Variants in SPTA1 observed in about 807,000 individuals in gnomAD.
SPTA1 encodes the protein spectrin alpha chain, erythrocytic 1.
SPTA1 carries 177 observed loss-of-function variants against 324.7 expected under a neutral mutation model. The ratio of observed to expected loss-of-function variants is 0.55; its 90% confidence interval spans 0.48 to 0.62. SPTA1 has a LOEUF of 0.62. SPTA1 is among the 20% of genes least tolerant of loss of function. SPTA1 has a pLI of 0.00. For missense variants in SPTA1, 3,162 were observed against 2,883.6 expected (o/e 1.10, Z -2.21); for synonymous variants, 1,195 against 1,041.3 (o/e 1.15, Z -2.84).
Position 158,678,322 on chromosome 1 carries a change from G to A in SPTA1, c.812+79C>T. ...TGTTGACCATTAATTGCTAACAGAA[G>A]TAGAAAGAGCCTAATACAAAGACAC... On this transcript the variant is annotated intron_variant, in intron 6 of 51. Coordinates refer to ENST00000643759, the MANE Select transcript of SPTA1 (RefSeq NM_003126.4). The A allele has an allele frequency of 3.8e-6, 6 of 1,585,560 alleles. No individual in the cohort carries two copies. In the South Asian group the frequency reaches 6.6e-5, roughly 18 times the overall value.
intron 5 of SPTA1, among the ~76,000 whole-genome samples, chr1:158,679,673 A>C (rs1434330131): frequency 2.0e-5 from 3 of 152,068 alleles, no homozygotes; most frequent in African/African-American, 7.2e-5. Context: ...ACACATAAAA[A>C]TGCCAGGTAA....
chr1:158,674,280 T>C, intron 10 of SPTA1, 49 bp downstream of exon 10: 3 of 1,505,986 alleles, frequency 2.0e-6, no homozygotes, highest in Non-Finnish European at 2.8e-6. Context: ...GATTATGTAA[T>C]GACTACATAT....
chr1:158,673,012 T>C (rs2101919540), intron 10 of SPTA1, among the ~76,000 whole-genome samples: 1 of 151,870 alleles, frequency 6.6e-6, no homozygotes, highest in Middle Eastern at 3.4e-3. Context: ...GTCCCAGCTA[T>C]TCAGGAGGCT....
At position 158,622,992 on chromosome 1, in the gene SPTA1, A is replaced by T; in HGVS notation, c.6111T>A (p.Pro2037=). The T allele has an allele frequency of 1.2e-6, 2 of 1,614,070 alleles. No homozygotes were observed. The highest frequency in any genetic ancestry group is 4.5e-5 in the East Asian group (2 of 44,884). ...HRQKLLEKQL[P]LQKAEDLFVE... ...CATAATTTTTTTAAACCTTCTGTAG[A>T]GGCAGCTGTTTCTCCAGCAATTTCT... is the stretch of plus-strand genomic sequence containing the variant. The change falls in exon 43 of 52, where the codon CCT becomes CCA. Residue 2037 remains proline (P), a synonymous_variant. Coordinates refer to ENST00000643759, the MANE Select transcript of SPTA1 (RefSeq NM_003126.4).
rs1161416972 is a variant in SPTA1, at chr1:158,639,876, G to C, written c.4869C>G (p.Leu1623=). 1.2e-6 allele frequency: 2 copies of C among 1,613,950 alleles called. No homozygotes were observed. Among genetic ancestry groups the C allele is most frequent in the Admixed American group, 1.7e-5 (1 of 59,986 alleles). The change falls in exon 34 of 52, where the codon CTC becomes CTG. Residue 1623 remains leucine (L), a synonymous_variant. Transcript: ENST00000643759. ...NTSIRDFEFW[L]SEAETLLAMK... ...TGTTTCCGGGTGCAATTACCTCTGA[G>C]AGCCAGAACTCAAAGTCCCGGATGC... is the stretch of plus-strand genomic sequence containing the variant.
intron 43 of SPTA1, among the ~76,000 whole-genome samples, chr1:158,622,429 A>G (rs886316180): frequency 6.6e-6 from 1 of 152,136 alleles, no homozygotes; most frequent in Non-Finnish European, 1.5e-5. Context: ...GAATGTAATA[A>G]TGTAATAATA....
At position 158,678,385 on chromosome 1, in the gene SPTA1, G is replaced by T; in HGVS notation, c.812+16C>A. 3 of 1,613,488 alleles carry T rather than the reference G, an allele frequency of 1.9e-6. No homozygotes were observed. In the South Asian group the frequency reaches 3.3e-5, roughly 18 times the overall value. ...GCACTTCAAAGTTTTCTATAAAGCA[G>T]TGGCCAGATCCATACCTTTTGAATC... On this transcript the variant is annotated intron_variant, in intron 6 of 51. Coordinates refer to ENST00000643759, the MANE Select transcript of SPTA1 (RefSeq NM_003126.4).
At chr1:158,673,990 A>C (rs77136641) in intron 10 of SPTA1, among the ~76,000 whole-genome samples, 5,185 of 152,268 alleles carry the variant, frequency 0.034, 293 homozygotes, top group African/African-American at 0.12. Flanking sequence ...ACGGTATAAC[A>C]ATTATTTACA....
intron 39 of SPTA1, among the ~76,000 whole-genome samples, chr1:158,629,085 AC>A (rs1413475790): frequency 6.6e-6 from 1 of 152,018 alleles, no homozygotes; most frequent in Non-Finnish European, 1.5e-5. Context: ...AGTCAGCATT[AC>A]CCTGACACCA....
intron 21 of SPTA1, among the ~76,000 whole-genome samples, chr1:158,654,096 G>A (rs1217012961): frequency 6.6e-6 from 1 of 152,062 alleles, no homozygotes; most frequent in Non-Finnish European, 1.5e-5. Flanking sequence ...TTAGGTATCA[G>A]AGTATAAAAA....
intron 5 of SPTA1, among the ~76,000 whole-genome samples, chr1:158,679,639 A>G (rs703123): frequency 0.42 from 64,530 of 151,846 alleles, 13,816 homozygotes; most frequent in South Asian, 0.55. Flanking sequence ...CCTTCACCCC[A>G]GCTGAGCCAC....
At chr1:158,653,456 T>C in intron 21 of SPTA1, 31 bp from the exon 22 acceptor site, 1 of 1,613,264 alleles carries the variant, frequency 6.2e-7, no homozygotes, top group Non-Finnish European at 8.5e-7. Context: ...CACTCCGTCA[T>C]TAATTCTTGG....
At chr1:158,672,946 A>T (rs989067429) in intron 10 of SPTA1, among the ~76,000 whole-genome samples, 2 of 151,908 alleles carry the variant, frequency 1.3e-5, no homozygotes, top group African/African-American at 4.8e-5. Context: ...AAAAAAAAAA[A>T]AGTAAAATAA....
At chr1:158,657,718 T>A (rs1394234731) in intron 18 of SPTA1, 24 bp from the exon 19 acceptor site, 2 of 1,608,412 alleles carry the variant, frequency 1.2e-6, no homozygotes, top group African/African-American at 2.7e-5. Flanking sequence ...ATAGAAAAGG[T>A]GAGTATGATC....
chr1:158,646,250 C>G, intron 27 of SPTA1, among the ~76,000 whole-genome samples: 1 of 145,720 alleles, frequency 6.9e-6, no homozygotes, highest in East Asian at 1.9e-4. Context: ...TATGCATTAA[C>G]TTTAAAGCAT....
intron 20 of SPTA1, among the ~76,000 whole-genome samples, chr1:158,655,731 AT>A (rs1652781282): frequency 6.6e-6 from 1 of 152,150 alleles, no homozygotes; most frequent in Non-Finnish European, 1.5e-5. Context: ...ACCACTACAT[AT>A]AGTAGACATT....
At chr1:158,620,840 G>GAAAAAAAAAA (rs200959019) in intron 43 of SPTA1, 13 of 89,504 alleles carry the variant, frequency 1.5e-4, no homozygotes, top group African/African-American at 3.6e-4. Flanking sequence ...TAGTAAACAT[G>GAAAAAAAAAA]AAAAAAAAAA....
chr1:158,636,490 A>G, intron 37 of SPTA1, 151 bp downstream of exon 37: 8 of 913,828 alleles, frequency 8.8e-6, no homozygotes, highest in Non-Finnish European at 1.4e-5. Flanking sequence ...TAAATGTGGA[A>G]GAGAAAAGAA....
At chr1:158,650,922 T>G (rs1197314290) in intron 24 of SPTA1, among the ~76,000 whole-genome samples, 1 of 152,200 alleles carries the variant, frequency 6.6e-6, no homozygotes, top group East Asian at 1.9e-4. Flanking sequence ...ATATAGAAAC[T>G]GAGGTTTTTA....
Sources: allele counts gnomAD v4.1 joint callset (sites outside exome capture counted in the v4.1 genomes callset), GRCh38; gene constraint gnomAD v4.1.1; transcripts MANE v1.5; gene names NCBI Gene and HGNC (gene_info 2026-07-23, HGNC 2026-07-21).